Variants in TLR5 observed in about 807,000 individuals in gnomAD.
The protein encoded by TLR5 is toll like receptor 5.
For missense variants in TLR5, 944 were observed against 999.8 expected (o/e 0.94, Z 0.75); for synonymous variants, 373 against 384.4 (o/e 0.97, Z 0.35).
rs539327974 is a variant in TLR5 at position 223,121,061 on chromosome 1, C to T, written c.-4-8026G>A. 2.8e-3 allele frequency among the ~76,000 whole-genome samples: 423 copies of T among 152,126 alleles called. 3 individuals carry two copies. Among genetic ancestry groups the T allele is most frequent in the African/African-American group, 9.3e-3 (388 of 41,502 alleles). On this transcript the variant is annotated intron_variant, in intron 5 of 5. Transcript: ENST00000642603. ...TTGTGCCACTGCACTCCAGCCTGGG[C>T]GACAGAGCAAGACCCTGCCTTGGAA...
At chr1:223,121,679 A>T (rs1231728758) in intron 5 of TLR5, among the ~76,000 whole-genome samples, 1 of 152,110 alleles carries the variant, frequency 6.6e-6, no homozygotes, top group East Asian at 1.9e-4. Flanking sequence ...CCACCATGCT[A>T]GCTAATTTTT....
chr1:223,119,968 TAAAATAAAATAAATA>T (rs1205705471), intron 5 of TLR5, among the ~76,000 whole-genome samples: 1 of 69,824 alleles, frequency 1.4e-5, no homozygotes, highest in Non-Finnish European at 2.4e-5. Flanking sequence ...TAAAATAAAA[TAAAATAAAATAAATA>T]AAATAAAATA....
In TLR5 at chr1:223,131,123, C is replaced by G. The variant is rs537394778; in HGVS notation, c.-5+1352G>C. On this transcript the variant is annotated intron_variant, in intron 5 of 5. Coordinates refer to ENST00000642603, the MANE Select transcript of TLR5 (RefSeq NM_003268.6). The surrounding 1 kb of genome is among the most constrained non-coding windows in gnomAD (Gnocchi z 4.2). The stretch of plus-strand genomic sequence containing the variant: ...CCCTGACACACACACCCCTCACTTA[C>G]TATCTGAGGGGGCTTCCTAGGGCAT... Among the ~76,000 whole-genome samples, 17 of 152,274 alleles carry G rather than the reference C, an allele frequency of 1.1e-4. No homozygotes were observed. In the South Asian group the frequency reaches 3.3e-3, roughly 30 times the overall value.
chr1:223,119,983 A>AAAATAAAATAAAATAAAATAAAATAAAAT (rs1656871136), intron 5 of TLR5, among the ~76,000 whole-genome samples: 4 of 63,118 alleles, frequency 6.3e-5, no homozygotes, highest in African/African-American at 3.9e-4. Flanking sequence ...TAAAATAAAT[A>AAAATAAAATAAAATAAAATAAAATAAAAT]AAATAAAATA....
At chr1:223,138,596 G>C (rs961939382) in intron 2 of TLR5, among the ~76,000 whole-genome samples, 4 of 152,062 alleles carry the variant, frequency 2.6e-5, no homozygotes, top group Non-Finnish European at 5.9e-5. Context: ...GTTGACTCTA[G>C]AACATTTCCT....
Position 223,111,223 on chromosome 1 carries a change from C to A in TLR5, c.1809G>T (p.Gly603=). 6.2e-7 allele frequency: 1 copy of A among 1,614,112 alleles called. No individual in the cohort carries two copies. Among genetic ancestry groups the A allele is most frequent in the East Asian group, 2.2e-5 (1 of 44,884 alleles). The part of the protein sequence containing the change: ...WLNHTNVTIA[G]PPADIYCVYP... ...ACACACAATATATGTCTGCAGGAGG[C>A]CCAGCTATAGTGACATTGGTGTGAT... The change falls in exon 6 of 6, where the codon GGG becomes GGT. Residue 603 remains glycine (G), a synonymous_variant. Coordinates refer to ENST00000642603, the MANE Select transcript of TLR5 (RefSeq NM_003268.6).
rs1553265934 is a variant in TLR5 at position 223,110,494 on chromosome 1, G to A, written c.2538C>T (p.Asp846=). 1 of 1,614,124 alleles carries A rather than the reference G, an allele frequency of 6.2e-7. No individual in the cohort carries two copies. Among genetic ancestry groups the A allele is most frequent in the Admixed American group, 1.7e-5 (1 of 60,020 alleles). The change falls in exon 6 of 6, where the codon GAC becomes GAT. Residue 846 remains aspartate (D), a synonymous_variant. Coordinates refer to ENST00000642603, the MANE Select transcript of TLR5 (RefSeq NM_003268.6). Reference sequence around the variant, plus strand: ...CTACAGTTTGCAACGGAATGTTATTGTCTTTCTTCTTTTCTTTTTCTTTCT... The same window carrying A: ...CTACAGTTTGCAACGGAATGTTATTATCTTTCTTCTTTTCTTTTTCTTTCT... ...ILKKEKEKKK[D]NNIPLQTVAT...
chr1:223,132,673 G>T (rs186487232), intron 4 of TLR5, 34 bp from the exon 5 acceptor site: 11 of 152,348 alleles, frequency 7.2e-5, no homozygotes, highest in African/African-American at 1.4e-4. Context: ...TTAAGAAGAA[G>T]AAACAAAAAA....
At position 223,110,375 on chromosome 1, in the gene TLR5, A is replaced by G. The variant is rs1008165980; in HGVS notation, c.*80T>C. 4.7e-6 allele frequency: 7 copies of G among 1,497,330 alleles called. No homozygotes were observed. Among genetic ancestry groups the G allele is most frequent in the Non-Finnish European group, 6.5e-6 (7 of 1,084,528 alleles). 92.8% of individuals were successfully genotyped at this position (1,497,330 alleles called of 1,614,324 possible). ...AAGAAAAAAAAAACCTCCAGAGAGG[A>G]CCCCAAAATGATAACTTGGTGCAAA... On this transcript the variant is annotated 3_prime_UTR_variant, in exon 6 of 6. Transcript: ENST00000642603.
chr1:223,134,607 T>C (rs1395701796), intron 4 of TLR5, 75 bp downstream of exon 4: 1 of 152,328 alleles, frequency 6.6e-6, no homozygotes, highest in South Asian at 2.1e-4. Flanking sequence ...TTAGTGATTA[T>C]TAAAAACGAA....
At chr1:223,126,109 C>T (rs1314375166) in intron 5 of TLR5, among the ~76,000 whole-genome samples, 1 of 152,170 alleles carries the variant, frequency 6.6e-6, no homozygotes, top group East Asian at 1.9e-4. Flanking sequence ...ACCCAAATAT[C>T]CACCAATGAA....
chr1:223,115,657 A>T (rs1656592898), intron 5 of TLR5, among the ~76,000 whole-genome samples: 1 of 152,186 alleles, frequency 6.6e-6, no homozygotes, highest in Admixed American at 6.5e-5. Context: ...AACAAAAGGA[A>T]GAGGAAATAG....
rs756250555 is a variant in TLR5 at position 223,111,612 on chromosome 1, T to G, written c.1420A>C (p.Ser474Arg). Reference sequence around the variant, plus strand: ...TCTCCAAGGAAAAGCTGTTCTAAGCTGGGATTCTCTGAAGGGGTTTGATCT... The same window carrying G: ...TCTCCAAGGAAAAGCTGTTCTAAGCGGGGATTCTCTGAAGGGGTTTGATCT... ...SGDQTPSENP[S>R]LEQLFLGENM... The change falls in exon 6 of 6, where the codon AGC becomes CGC. Residue 474 changes from serine to arginine, a missense_variant. By Grantham distance (110) the Ser-to-Arg change is moderately radical. Transcript: ENST00000642603. The G allele has an allele frequency of 6.2e-7, 1 of 1,614,156 alleles. No individual in the cohort carries two copies. Among genetic ancestry groups the G allele is most frequent in the South Asian group, 1.1e-5 (1 of 91,084 alleles).
In TLR5 at chr1:223,132,535, G is replaced by A. The variant is rs1657437535; in HGVS notation, c.-65C>T. On this transcript the variant is annotated 5_prime_UTR_variant, in exon 5 of 6. Coordinates refer to ENST00000642603, the MANE Select transcript of TLR5 (RefSeq NM_003268.6). Reference sequence around the variant, plus strand: ...CTTATTCTAGGGGCAGAGGGTCCCTGGTTGTTTAAAGACTTCAGTTCCTGA... The same window carrying A: ...CTTATTCTAGGGGCAGAGGGTCCCTAGTTGTTTAAAGACTTCAGTTCCTGA... 2 of 152,218 alleles carry A rather than the reference G, an allele frequency of 1.3e-5. No individual in the cohort carries two copies. The highest frequency in any genetic ancestry group is 4.8e-5 in the African/African-American group (2 of 41,386). 9.4% of individuals were successfully genotyped at this position (152,218 alleles called of 1,614,324 possible).
intron 5 of TLR5, among the ~76,000 whole-genome samples, chr1:223,113,355 G>A (rs1236125349): frequency 3.3e-5 from 5 of 152,094 alleles, no homozygotes; most frequent in Admixed American, 6.6e-5. Flanking sequence ...ACAGGCACGT[G>A]CCACTGTACC....
chr1:223,136,824 T>G (rs1050246199), intron 3 of TLR5, among the ~76,000 whole-genome samples: 1 of 152,154 alleles, frequency 6.6e-6, no homozygotes, highest in African/African-American at 2.4e-5. Flanking sequence ...ATTTATTGAC[T>G]GTTTTTTAAA....
At chr1:223,133,374 C>T (rs985049582) in intron 4 of TLR5, among the ~76,000 whole-genome samples, 1 of 152,136 alleles carries the variant, frequency 6.6e-6, no homozygotes, top group Non-Finnish European at 1.5e-5. Flanking sequence ...AAAGCGAGCT[C>T]GGAACCTGAA....
Position 223,124,454 on chromosome 1 carries a change from A to AG in TLR5, c.-5+8020_-5+8021insC, listed in dbSNP as rs1024507473. ...GCAAGACTCCGTCTAAAACAAAAAA[A>AG]AAAAAGAAAAAGAAAAAAAAAGGAT... On this transcript the variant is annotated intron_variant, in intron 5 of 5. Transcript: ENST00000642603. Among the ~76,000 whole-genome samples, 6 of 151,452 alleles carry AG rather than the reference A, an allele frequency of 4.0e-5. No homozygotes were observed. The East Asian group carries it at 5.8e-4, about 15-fold the overall frequency.
At chr1:223,118,799 C>G (rs983686630) in intron 5 of TLR5, among the ~76,000 whole-genome samples, 3 of 151,920 alleles carry the variant, frequency 2.0e-5, no homozygotes, top group Non-Finnish European at 2.9e-5. Flanking sequence ...GTGCCCTGAC[C>G]TAGAAGGAAG....
Sources: allele counts gnomAD v4.1 joint callset (sites outside exome capture counted in the v4.1 genomes callset), GRCh38; gene constraint gnomAD v4.1.1; non-coding constraint Gnocchi (gnomAD v3.1); transcripts MANE v1.5; gene names NCBI Gene and HGNC (gene_info 2026-07-23, HGNC 2026-07-21).